Variants in VPS41 observed in about 807,000 individuals in gnomAD.
VPS41 encodes the protein VPS41 subunit of HOPS complex, also known as vacuolar protein sorting-associated protein 41 homolog.
Under a neutral mutation model 130.9 loss-of-function variants are expected in VPS41, and 85 were observed. The ratio of observed to expected loss-of-function variants is 0.65; its 90% confidence interval spans 0.55 to 0.78. VPS41 has a LOEUF of 0.78. Ranked by LOEUF, VPS41 falls within the 30% of genes least tolerant of loss-of-function variation. The probability of loss-of-function intolerance (pLI) is 0.00; values close to 1 mark genes in which losing one functional copy is unlikely to be tolerated. For missense variants in VPS41, 874 were observed against 1,018.7 expected (o/e 0.86, Z 1.93); for synonymous variants, 335 against 332.9 (o/e 1.01, Z -0.07).
intron 11 of VPS41, among the ~76,000 whole-genome samples, chr7:38,774,489 G>C (rs1562581820): frequency 6.6e-6 from 1 of 151,806 alleles, no homozygotes; most frequent in Non-Finnish European, 1.5e-5. Context: ...AGATCAACTA[G>C]TGAAGAAAAA....
At chr7:38,756,511 G>C (rs1210188813) in intron 19 of VPS41, among the ~76,000 whole-genome samples, 2 of 152,102 alleles carry the variant, frequency 1.3e-5, no homozygotes, top group Non-Finnish European at 2.9e-5. Flanking sequence ...AGGGATAAAT[G>C]AGTCAAAGTA....
chr7:38,728,767 T>C lies in VPS41; in HGVS notation c.2284A>G (p.Lys762Glu), dbSNP rs1359575651. 20 of 1,614,076 alleles carry C rather than the reference T, an allele frequency of 1.2e-5. No homozygotes were observed. Among genetic ancestry groups the C allele is most frequent in the Non-Finnish European group, 1.7e-5 (20 of 1,180,044 alleles). ...GACAAAGAGTCAGCTACGAGAATCT[T>C]CTTGCAGCCTTCACGAAGCAGAATC... ...LQILLREGCKKILVADSLSLL... is the reference protein window; with the variant it reads ...LQILLREGCKEILVADSLSLL... The change falls in exon 26 of 29, where the codon AAG becomes GAG. Residue 762 changes from lysine to glutamate, a missense_variant. Lys to Glu is a moderately conservative substitution (Grantham distance 56, BLOSUM62 1). Coordinates refer to ENST00000310301, the MANE Select transcript of VPS41 (RefSeq NM_014396.4).
intron 2 of VPS41, among the ~76,000 whole-genome samples, chr7:38,893,916 C>T (rs1230859942): frequency 6.6e-6 from 1 of 152,028 alleles, no homozygotes; most frequent in Non-Finnish European, 1.5e-5. Context: ...ATATTCTTTT[C>T]CCAAACATAT....
At chr7:38,907,500 T>C (rs1787294436) in intron 1 of VPS41, among the ~76,000 whole-genome samples, 1 of 152,216 alleles carries the variant, frequency 6.6e-6, no homozygotes, top group Non-Finnish European at 1.5e-5. Context: ...ATCAGAGGTG[T>C]TTCACCCATG....
rs774224941 is a variant in VPS41 at position 38,763,565 on chromosome 7, A to G, written c.1330-18T>C. On this transcript the variant is annotated intron_variant, in intron 16 of 28. Transcript: ENST00000310301. The stretch of plus-strand genomic sequence containing the variant: ...CTAATAGCCTAGGTAAGGAAAAGGG[A>G]AAAAAAAGTCCATTAAAATATGAAA... 26 of 1,517,464 alleles carry G rather than the reference A, an allele frequency of 1.7e-5. No homozygotes were observed. Among genetic ancestry groups the G allele is most frequent in the Non-Finnish European group, 2.1e-5 (24 of 1,118,890 alleles). The allele number at this position is 1,517,464 out of a possible 1,614,324, so 94.0% of individuals were successfully genotyped here. A position where few individuals can be genotyped will look rare whatever the true frequency, so the allele number is the denominator to read the frequency against.
chr7:38,866,090 GAT>G (rs1345430071), intron 3 of VPS41, among the ~76,000 whole-genome samples: 1 of 152,178 alleles, frequency 6.6e-6, no homozygotes, highest in Non-Finnish European at 1.5e-5. Context: ...AAGAGCTCCA[GAT>G]GTGTGTGGAT....
intron 25 of VPS41, among the ~76,000 whole-genome samples, chr7:38,732,711 C>T (rs1191245749): frequency 6.6e-6 from 1 of 152,152 alleles, no homozygotes. Context: ...ATACTGCCCT[C>T]ACGTAATGCT....
chr7:38,851,634 T>A (rs952700215), intron 4 of VPS41, among the ~76,000 whole-genome samples: 10 of 152,242 alleles, frequency 6.6e-5, no homozygotes, highest in African/African-American at 2.4e-4. Flanking sequence ...TGCATATTCA[T>A]GTAGAAATCT....
At chr7:38,892,823 A>G (rs969682971) in intron 2 of VPS41, among the ~76,000 whole-genome samples, 1 of 152,168 alleles carries the variant, frequency 6.6e-6, no homozygotes, top group Admixed American at 6.5e-5. Flanking sequence ...TTACTGTAAC[A>G]AAGCTGAACT....
intron 2 of VPS41, among the ~76,000 whole-genome samples, chr7:38,893,813 C>T (rs1786917115): frequency 6.6e-6 from 1 of 152,134 alleles, no homozygotes; most frequent in Admixed American, 6.6e-5. Context: ...CACCACTTTC[C>T]TTTACATTAA....
At chr7:38,893,710 A>G (rs1180801050) in intron 2 of VPS41, among the ~76,000 whole-genome samples, 1 of 152,228 alleles carries the variant, frequency 6.6e-6, no homozygotes, top group East Asian at 1.9e-4. Context: ...ATTAAATGAC[A>G]TACTTAACTA....
rs1468882127 is a variant in VPS41 at position 38,771,189 on chromosome 7, C to A, written c.1185+9G>T. On this transcript the variant is annotated intron_variant, in intron 14 of 28. Coordinates refer to ENST00000310301, the MANE Select transcript of VPS41 (RefSeq NM_014396.4). ...AAATTATGTTTCAAATAACAAATTG[C>A]ACACTTACCAGAATCTTATGTCTTT... is the stretch of plus-strand genomic sequence containing the variant. 2 of 1,576,628 alleles carry A rather than the reference C, an allele frequency of 1.3e-6. No homozygotes were observed. Among genetic ancestry groups the A allele is most frequent in the South Asian group, 1.1e-5 (1 of 89,130 alleles).
At chr7:38,765,294 C>T (rs1333805587) in intron 16 of VPS41, among the ~76,000 whole-genome samples, 3 of 151,958 alleles carry the variant, frequency 2.0e-5, no homozygotes, top group South Asian at 2.1e-4. Flanking sequence ...GAGATTACAC[C>T]TATTTTCAAA....
intron 22 of VPS41, among the ~76,000 whole-genome samples, chr7:38,749,038 G>A (rs942324056): frequency 5.3e-5 from 8 of 152,072 alleles, no homozygotes; most frequent in Non-Finnish European, 1.2e-4. Flanking sequence ...TTTAAAAATT[G>A]CTGTAGATAT....
At chr7:38,788,420 T>C (rs1784478789) in intron 10 of VPS41, among the ~76,000 whole-genome samples, 1 of 152,184 alleles carries the variant, frequency 6.6e-6, no homozygotes, top group South Asian at 2.1e-4. Context: ...CCTGTGAGGA[T>C]AAAGTGAGTT....
At chr7:38,888,262 T>C (rs562185395) in intron 2 of VPS41, among the ~76,000 whole-genome samples, 2 of 152,204 alleles carry the variant, frequency 1.3e-5, no homozygotes, top group African/African-American at 4.8e-5. Context: ...CCCATTGGTG[T>C]GCAGTATTCA....
chr7:38,879,470 C>G (rs941779824), intron 2 of VPS41, among the ~76,000 whole-genome samples: 17 of 151,960 alleles, frequency 1.1e-4, no homozygotes, highest in Admixed American at 1.1e-3. Context: ...CACACTGAAT[C>G]GTATTTTTGG....
At chr7:38,809,707 G>A in intron 7 of VPS41, among the ~76,000 whole-genome samples, 1 of 151,980 alleles carries the variant, frequency 6.6e-6, no homozygotes, top group Non-Finnish European at 1.5e-5. Context: ...AAAGCAACTT[G>A]CCCCTGCGGC....
Position 38,765,405 on chromosome 7 carries a change from T to TG in VPS41, c.1329+174_1329+175insC, listed in dbSNP as rs35429019. Among the ~76,000 whole-genome samples the TG allele has an allele frequency of 0.93, 141,572 of 151,916 alleles. 66,087 individuals carry two copies. The highest frequency in any genetic ancestry group is 0.99 in the East Asian group (5,140 of 5,168). On this transcript the variant is annotated intron_variant, in intron 16 of 28. Coordinates refer to ENST00000310301, the MANE Select transcript of VPS41 (RefSeq NM_014396.4). ...TGTAATAAATATATAATCTTATATA[T>TG]TTTTTTTTACACGAGGCTTATATTT...
Sources: gnomAD v4.1 joint callset for allele counts (sites outside exome capture counted in the v4.1 genomes callset) on GRCh38, gnomAD v4.1.1 for gene constraint, MANE v1.5 for transcripts, NCBI Gene and HGNC (gene_info 2026-07-23, HGNC 2026-07-21) for gene names.